Variants in ZFYVE28 observed in about 807,000 individuals in gnomAD.
ZFYVE28 encodes the protein lateral signaling target protein 2 homolog.
ZFYVE28 carries 40 observed loss-of-function variants against 82.1 expected under a neutral mutation model. The ratio of observed to expected loss-of-function variants is 0.49; its 90% CI spans 0.38 to 0.63. The LOEUF (loss-of-function observed/expected upper bound fraction) is 0.63. Ranked by LOEUF, ZFYVE28 falls within the 30% of genes least tolerant of loss-of-function variation. The pLI, the probability that ZFYVE28 is intolerant of heterozygous loss-of-function variation, is 0.00. For synonymous variants in ZFYVE28, 612 were observed against 546.1 expected, an observed-to-expected ratio of 1.12 and a Z score of -1.68; for missense variants, 1,321 against 1,242.1, an observed-to-expected ratio of 1.06 and a Z score of -0.96.
At chr4:2,413,538 G>A (rs1186361575) in intron 1 of ZFYVE28, among the ~76,000 whole-genome samples, 5 of 152,218 alleles carry the variant, frequency 3.3e-5, no homozygotes, top group East Asian at 1.9e-4. Flanking sequence ...CCAGGCGCCC[G>A]CCAGGAGAGG....
At chr4:2,389,900 C>G (rs1469262631) in intron 1 of ZFYVE28, among the ~76,000 whole-genome samples, 1 of 152,156 alleles carries the variant, frequency 6.6e-6, no homozygotes, top group African/African-American at 2.4e-5. Context: ...CACGGCATCC[C>G]CTCCAGCCTC....
rs1166617165 is a variant in ZFYVE28 at position 2,341,137 on chromosome 4, C to T, written c.318+341G>A. Among the ~76,000 whole-genome samples, 2 of 152,248 alleles carry T rather than the reference C, an allele frequency of 1.3e-5. No individual in the cohort carries two copies. Among genetic ancestry groups the T allele is most frequent in the East Asian group, 3.9e-4 (2 of 5,168 alleles). On this transcript the variant is annotated intron_variant, in intron 3 of 12. Transcript: ENST00000290974. This position sits in a 1 kb window ranked among gnomAD's most constrained non-coding sequence, Gnocchi z 4.5. ...CCAGCCCCTGCTGCTGCCCATGCTGCAGGGCCGGAGGGGAACACTTGTTCC... is the reference window on the plus strand; with the variant it reads ...CCAGCCCCTGCTGCTGCCCATGCTGTAGGGCCGGAGGGGAACACTTGTTCC...
At chr4:2,406,062 A>AAGAAAAG (rs1553867783) in intron 1 of ZFYVE28, among the ~76,000 whole-genome samples, 3,576 of 125,064 alleles carry the variant, frequency 0.029, 110 homozygotes, top group African/African-American at 0.075. Context: ...AAAAAAAAAA[A>AAGAAAAG]AAAGAAAGAA....
intron 1 of ZFYVE28, among the ~76,000 whole-genome samples, chr4:2,415,344 C>T (rs1183592388): frequency 6.6e-6 from 1 of 152,098 alleles, no homozygotes; most frequent in Non-Finnish European, 1.5e-5. Flanking sequence ...TGGCCAAGCA[C>T]AGTGGCTCAC....
At chr4:2,316,517 T>C (rs557840765) in intron 7 of ZFYVE28, 5 of 152,400 alleles carry the variant, frequency 3.3e-5, no homozygotes, top group African/African-American at 9.6e-5. Context: ...TGTGTCTCTC[T>C]GTATAGATTC....
At chr4:2,323,312 T>A (rs2108840122) in intron 6 of ZFYVE28, among the ~76,000 whole-genome samples, 1 of 152,322 alleles carries the variant, frequency 6.6e-6, no homozygotes, top group South Asian at 2.1e-4. Flanking sequence ...ATGTGGAGCA[T>A]CTTTTCATGT....
chr4:2,275,552 C>A (rs531330417), intron 8 of ZFYVE28, among the ~76,000 whole-genome samples: 18 of 152,352 alleles, frequency 1.2e-4, no homozygotes, highest in African/African-American at 4.3e-4. Context: ...TGGCATCCTG[C>A]ACGGCCTCTT....
At chr4:2,317,489 C>T (rs979451460) in intron 7 of ZFYVE28, among the ~76,000 whole-genome samples, 7 of 152,128 alleles carry the variant, frequency 4.6e-5, no homozygotes, top group African/African-American at 9.7e-5. Flanking sequence ...CAGTTCTGAG[C>T]CTGCTGCACT....
In ZFYVE28 at chr4:2,280,297, C is replaced by G. The variant is rs956256371; in HGVS notation, c.2052-6081G>C. On this transcript the variant is annotated intron_variant, in intron 8 of 12. Transcript: ENST00000290974. ...CTGAGGCGGGAGGATCACTTGAGGC[C>G]AGGAGTTCAAGACCAGTCTGGGCAA... is the stretch of plus-strand genomic sequence containing the variant. 7.2e-5 allele frequency among the ~76,000 whole-genome samples: 11 copies of G among 152,146 alleles called. No homozygotes were observed. The South Asian group carries it at 1.2e-3, about 17-fold the overall frequency.
At chr4:2,415,387 CAGG>C in intron 1 of ZFYVE28, among the ~76,000 whole-genome samples, 1 of 151,528 alleles carries the variant, frequency 6.6e-6, no homozygotes, top group African/African-American at 2.4e-5. Context: ...GAGGCTGAGG[CAGG>C]AGGATTGCTT....
chr4:2,273,039 T>G (rs1275982033), intron 10 of ZFYVE28, 134 bp downstream of exon 10: 6 of 725,370 alleles, frequency 8.3e-6, no homozygotes, highest in African/African-American at 5.3e-5. Context: ...CAGGGGATCC[T>G]GGGGTCGACG....
chr4:2,297,907 GAC>G (rs1330969849), intron 8 of ZFYVE28, among the ~76,000 whole-genome samples: 27 of 149,466 alleles, frequency 1.8e-4, no homozygotes, highest in African/African-American at 5.5e-4. Flanking sequence ...GTGACACAGT[GAC>G]ACAGCAGGCT....
intron 1 of ZFYVE28, among the ~76,000 whole-genome samples, chr4:2,396,833 A>T (rs1188206975): frequency 6.6e-6 from 1 of 152,136 alleles, no homozygotes; most frequent in East Asian, 1.9e-4. Context: ...TGGAGGGCGG[A>T]CAGCTGGGGG....
intron 8 of ZFYVE28, among the ~76,000 whole-genome samples, chr4:2,290,106 C>G (rs1314292298): frequency 6.6e-6 from 1 of 152,170 alleles, no homozygotes; most frequent in Admixed American, 6.5e-5. Flanking sequence ...GTCAGAGCCA[C>G]CCCCCGGTCA....
rs149124790 is a variant in ZFYVE28, at chr4:2,362,016, C to T, written c.40-7943G>A. 1.3e-5 allele frequency among the ~76,000 whole-genome samples: 2 copies of T among 152,204 alleles called. No individual in the cohort carries two copies. Among genetic ancestry groups the T allele is most frequent in the African/African-American group, 4.8e-5 (2 of 41,524 alleles). On this transcript the variant is annotated intron_variant, in intron 1 of 12. Transcript: ENST00000290974. This position sits in a 1 kb window ranked among gnomAD's most constrained non-coding sequence, Gnocchi z 5.1. Reference sequence around the variant, plus strand: ...GGAAGCCCAGTCCAGCTCCTACTGCCTCCCTCCCCACACAGCTGAACCCAG... The same window carrying T: ...GGAAGCCCAGTCCAGCTCCTACTGCTTCCCTCCCCACACAGCTGAACCCAG...
chr4:2,381,986 G>A (rs891122870), intron 1 of ZFYVE28, among the ~76,000 whole-genome samples: 1 of 152,258 alleles, frequency 6.6e-6, no homozygotes, highest in Non-Finnish European at 1.5e-5. Flanking sequence ...GCTGAAAGGG[G>A]TCAATGCAGA....
At chr4:2,277,080 G>C (rs951521057) in intron 8 of ZFYVE28, among the ~76,000 whole-genome samples, 1 of 152,204 alleles carries the variant, frequency 6.6e-6, no homozygotes. Context: ...TTGGCGTGGC[G>C]CCCGACACAG....
At chr4:2,324,412 C>G (rs1396601949) in intron 6 of ZFYVE28, 1 of 154,054 alleles carries the variant, frequency 6.5e-6, no homozygotes, top group Non-Finnish European at 1.4e-5. Context: ...ATATCCACAT[C>G]GTACAGCGGA....
At chr4:2,370,721 C>T (rs1462272069) in intron 1 of ZFYVE28, among the ~76,000 whole-genome samples, 2 of 152,198 alleles carry the variant, frequency 1.3e-5, no homozygotes, top group Non-Finnish European at 2.9e-5. Flanking sequence ...CTCGGCTCCC[C>T]GGACGTGGCA....
Sources: gnomAD v4.1 joint callset for allele counts (sites outside exome capture counted in the v4.1 genomes callset) on GRCh38, gnomAD v4.1.1 for gene constraint, Gnocchi (gnomAD v3.1) non-coding constraint, MANE v1.5 for transcripts, NCBI Gene and HGNC (gene_info 2026-07-23, HGNC 2026-07-21) for gene names.